Variants in PFKFB3 observed in about 807,000 individuals in gnomAD.
PFKFB3 encodes 6-phosphofructo-2-kinase/fructose-2,6-biphosphatase 3.
A neutral mutation model predicts 68.0 loss-of-function variants in PFKFB3; 33 were observed. The observed-to-expected ratio is 0.49, with a 90% CI of 0.37 to 0.65. PFKFB3 has a LOEUF of 0.65. PFKFB3 is among the 30% of genes least tolerant of loss of function. The probability of loss-of-function intolerance (pLI) is 0.00; values close to 1 mark genes in which losing one functional copy is unlikely to be tolerated. For missense variants in PFKFB3, 586 were observed against 712.2 expected (o/e 0.82, Z 2.02); for synonymous variants, 315 against 288.2 (o/e 1.09, Z -0.94).
At chr10:6,196,182 A>C (rs1588454522) in intron 1 of PFKFB3, among the ~76,000 whole-genome samples, 1 of 146,966 alleles carries the variant, frequency 6.8e-6, no homozygotes, top group Non-Finnish European at 1.5e-5. Context: ...CCTAGGCTGG[A>C]GTGCACTGGT....
At chr10:6,276,656 A>T in the PFKFB3 span, among the ~76,000 whole-genome samples, 8 of 2,090 alleles carry the variant, frequency 3.8e-3, no homozygotes, top group Admixed American at 0.062. Context: ...AATTCAATTA[A>T]AAAAAAATTG....
intron 1 of PFKFB3, among the ~76,000 whole-genome samples, chr10:6,177,446 T>C (rs574083134): frequency 1.4e-4 from 17 of 121,210 alleles, no homozygotes; most frequent in African/African-American, 2.6e-4. Context: ...TTCTCTTTCT[T>C]TCTTTCTTTC....
chr10:6,156,127 A>ATGTGTG (rs1358879118), intron 1 of PFKFB3, among the ~76,000 whole-genome samples: 832 of 46,722 alleles, frequency 0.018, 11 homozygotes, highest in African/African-American at 0.042. Context: ...ATGTACATAT[A>ATGTGTG]TATGTGTGTG....
intron 14 of PFKFB3, chr10:6,254,097 CTTTTTTT>C (rs34789693): frequency 6.0e-6 from 2 of 331,558 alleles, no homozygotes; most frequent in Non-Finnish European, 1.0e-5. Context: ...TTTCAGATGG[CTTTTTTT>C]TTTTTTTTTT....
At chr10:6,205,388 CTTT>C (rs3084014) in intron 1 of PFKFB3, among the ~76,000 whole-genome samples, 12 of 106,516 alleles carry the variant, frequency 1.1e-4, no homozygotes, top group Admixed American at 4.9e-4. Flanking sequence ...TTCTTTCTTC[CTTT>C]TTTTTTTTTT....
chr10:6,266,178 G>C, the PFKFB3 span, among the ~76,000 whole-genome samples: 1 of 152,016 alleles, frequency 6.6e-6, no homozygotes, highest in Non-Finnish European at 1.5e-5. Flanking sequence ...CAAATTGTTG[G>C]GATTACAGGC....
intron 1 of PFKFB3, among the ~76,000 whole-genome samples, chr10:6,177,579 G>A (rs1842565749): frequency 6.8e-6 from 1 of 146,814 alleles, no homozygotes; most frequent in Admixed American, 6.9e-5. Context: ...AGGCTGGAGT[G>A]CAATGGTGCG....
the PFKFB3 span, among the ~76,000 whole-genome samples, chr10:6,278,065 G>A: frequency 3.3e-5 from 5 of 151,944 alleles, no homozygotes; most frequent in Middle Eastern, 3.4e-3. Context: ...CTACAGGCAT[G>A]TACCACCACA....
the PFKFB3 span, among the ~76,000 whole-genome samples, chr10:6,325,348 G>T: frequency 1.3e-5 from 2 of 152,166 alleles, no homozygotes; most frequent in Non-Finnish European, 2.9e-5. Context: ...AAGAGCACGT[G>T]GAAGACAGAA....
the PFKFB3 span, among the ~76,000 whole-genome samples, chr10:6,310,927 G>GT: frequency 6.6e-6 from 1 of 152,018 alleles, no homozygotes; most frequent in Non-Finnish European, 1.5e-5. Flanking sequence ...TTAACATGCT[G>GT]TTTCTTATCA....
chr10:6,226,130 C>G (rs1412749955), intron 13 of PFKFB3, 62 bp from the exon 14 acceptor site: 1 of 1,424,890 alleles, frequency 7.0e-7, no homozygotes, highest in African/African-American at 1.5e-5. Flanking sequence ...TTTTTTGGGG[C>G]TAATTTTCCT....
In PFKFB3 at chr10:6,213,850, C is replaced by T. The variant is rs560092860; in HGVS notation, c.202+102C>T. 1.1e-5 allele frequency: 15 copies of T among 1,317,212 alleles called. No individual in the cohort carries two copies. The South Asian group carries it at 1.9e-4, about 17-fold the overall frequency. The allele number at this position is 1,317,212 out of a possible 1,614,324, so 81.6% of individuals were successfully genotyped here. A position where few individuals can be genotyped will look rare whatever the true frequency, so the allele number is the denominator to read the frequency against. On this transcript the variant is annotated intron_variant, in intron 2 of 14. Transcript: ENST00000379775. ...CAGGACCACCCCTGGGCGCCTCTGT[C>T]CCCTGGTCGGGGAGTCTGATCCTGC...
At chr10:6,224,053 C>A (rs1032718451) in intron 12 of PFKFB3, 33 bp downstream of exon 12, 10 of 1,613,376 alleles carry the variant, frequency 6.2e-6, no homozygotes, top group Non-Finnish European at 8.5e-6. Context: ...CCCTGTCCCC[C>A]TGAAGGTGGC....
chr10:6,184,098 A>T (rs1455415344), intron 1 of PFKFB3, among the ~76,000 whole-genome samples: 1 of 146,636 alleles, frequency 6.8e-6, no homozygotes, highest in African/African-American at 2.5e-5. Flanking sequence ...TGTTGCCCAG[A>T]CTGGAGTGCA....
chr10:6,310,386 T>C, the PFKFB3 span, among the ~76,000 whole-genome samples: 3 of 151,906 alleles, frequency 2.0e-5, no homozygotes, highest in Admixed American at 1.3e-4. Flanking sequence ...GGTGTCCCTG[T>C]CCCTCCCAAA....
intron 1 of PFKFB3, among the ~76,000 whole-genome samples, chr10:6,160,789 A>G (rs547042486): frequency 6.6e-6 from 1 of 151,946 alleles, no homozygotes; most frequent in Admixed American, 6.6e-5. Context: ...TAACTAGTGA[A>G]GATATATGGA....
chr10:6,164,167 G>GCGGCC (rs1364176716), intron 1 of PFKFB3, among the ~76,000 whole-genome samples: 1 of 152,092 alleles, frequency 6.6e-6, no homozygotes, highest in African/African-American at 2.4e-5. Flanking sequence ...GGAGAAGTGG[G>GCGGCC]CGGCCCACCC....
At chr10:6,326,213 C>T in the PFKFB3 span, among the ~76,000 whole-genome samples, 1 of 152,278 alleles carries the variant, frequency 6.6e-6, no homozygotes. Flanking sequence ...TGTTCTCACT[C>T]ATAAGTGGGA....
upstream of PFKFB3, among the ~76,000 whole-genome samples, chr10:6,200,323 G>A (rs923494558): frequency 3.9e-5 from 6 of 152,080 alleles, no homozygotes; most frequent in East Asian, 1.9e-4. Context: ...CTGAAGGGCC[G>A]CCTTTGTGAT....
Sources: gnomAD v4.1 joint callset for allele counts (sites outside exome capture counted in the v4.1 genomes callset) on GRCh38, gnomAD v4.1.1 for gene constraint, MANE v1.5 for transcripts, NCBI Gene and HGNC (gene_info 2026-07-23, HGNC 2026-07-21) for gene names.